EVA1C: variants seen among roughly 807,000 people sequenced by gnomAD.
EVA1C encodes protein eva-1 homolog C.
EVA1C carries 25 observed loss-of-function variants against 45.4 expected under a neutral mutation model. The observed-to-expected ratio is 0.55, with a 90% confidence interval of 0.40 to 0.77. The LOEUF is 0.77. EVA1C is among the 30% of genes least tolerant of loss of function. The pLI is 0.00. For synonymous variants in EVA1C, 190 were observed against 221.2 expected, an observed-to-expected ratio of 0.86 and a Z score of 1.25; for missense variants, 479 against 554.8, an observed-to-expected ratio of 0.86 and a Z score of 1.37.
chr21:32,449,043 A>C (rs1325466299), intron 1 of EVA1C, among the ~76,000 whole-genome samples: 1 of 151,840 alleles, frequency 6.6e-6, no homozygotes, highest in Non-Finnish European at 1.5e-5. Context: ...AAGGAAGGAA[A>C]AGGAAAGAAA....
At chr21:32,419,289 T>C (rs2034169121) in intron 1 of EVA1C, among the ~76,000 whole-genome samples, 1 of 152,188 alleles carries the variant, frequency 6.6e-6, no homozygotes, top group Non-Finnish European at 1.5e-5. Context: ...GAGGGTAATG[T>C]ACTATGAGAG....
At chr21:32,491,916 G>T (rs557271187) in intron 4 of EVA1C, among the ~76,000 whole-genome samples, 1 of 152,124 alleles carries the variant, frequency 6.6e-6, no homozygotes, top group East Asian at 1.9e-4. Flanking sequence ...GGAGTGGCCA[G>T]CGCTGAAGGC....
At chr21:32,466,116 C>T (rs1370963489) in intron 3 of EVA1C, among the ~76,000 whole-genome samples, 1 of 152,134 alleles carries the variant, frequency 6.6e-6, no homozygotes, top group Non-Finnish European at 1.5e-5. Flanking sequence ...TTAGCTCTTA[C>T]TGCTTTAAAA....
At chr21:32,488,725 A>G (rs1478404960) in intron 4 of EVA1C, among the ~76,000 whole-genome samples, 1 of 152,112 alleles carries the variant, frequency 6.6e-6, no homozygotes, top group Non-Finnish European at 1.5e-5. Flanking sequence ...AGCTGGGATT[A>G]CAGGCACACG....
chr21:32,427,076 G>A (rs746898163), intron 1 of EVA1C, among the ~76,000 whole-genome samples: 12 of 152,132 alleles, frequency 7.9e-5, no homozygotes, highest in Admixed American at 2.6e-4. Flanking sequence ...TCCAACGGGA[G>A]GGCATTTTCT....
At chr21:32,455,128 A>G (rs1468809997) in intron 2 of EVA1C, among the ~76,000 whole-genome samples, 1 of 152,136 alleles carries the variant, frequency 6.6e-6, no homozygotes, top group Non-Finnish European at 1.5e-5. Flanking sequence ...TCCAAGAGCA[A>G]GGCGCCATAG....
rs2035600828 is a variant in EVA1C at position 32,452,110 on chromosome 21, T to C, written c.161-1202T>C. ...TCATTCCAATAAGGCATGGCCTCAC[T>C]AGTGGGAGATGAGCAAATGAAAGCC... is the stretch of plus-strand genomic sequence containing the variant. On this transcript the variant is annotated intron_variant, in intron 1 of 7. Transcript: ENST00000300255. The surrounding 1 kb of genome is among the most constrained non-coding windows in gnomAD (Gnocchi z 4.0). 6.6e-6 allele frequency: 1 copy of C among 152,202 alleles called. No individual in the cohort carries two copies. The highest frequency in any genetic ancestry group is 1.5e-5 in the Non-Finnish European group (1 of 68,038). The allele number at this position is 152,202 out of a possible 1,614,324, so 9.4% of individuals were successfully genotyped here. A position where few individuals can be genotyped will look rare whatever the true frequency, so the allele number is the denominator to read the frequency against.
chr21:32,496,363 T>C (rs2037352902), intron 5 of EVA1C, among the ~76,000 whole-genome samples: 1 of 152,240 alleles, frequency 6.6e-6, no homozygotes, highest in Non-Finnish European at 1.5e-5. Context: ...TAATATTCCA[T>C]TGCATCCTTA....
At chr21:32,438,503 A>AAC (rs2035052889) in intron 1 of EVA1C, among the ~76,000 whole-genome samples, 1 of 151,094 alleles carries the variant, frequency 6.6e-6, no homozygotes, top group African/African-American at 2.4e-5. Flanking sequence ...AAAAAAAAAA[A>AAC]AAAAACCAAA....
At chr21:32,514,344 CTAA>C (rs2038067468) in intron 7 of EVA1C, among the ~76,000 whole-genome samples, 3 of 152,190 alleles carry the variant, frequency 2.0e-5, no homozygotes, top group Admixed American at 1.3e-4. Context: ...ACTTCTACTA[CTAA>C]TAATAGCAGC....
chr21:32,439,688 T>C (rs2035102996), intron 1 of EVA1C, among the ~76,000 whole-genome samples: 1 of 152,036 alleles, frequency 6.6e-6, no homozygotes, highest in African/African-American at 2.4e-5. Context: ...CTGCTTCAAG[T>C]TTTAGAAACT....
intron 7 of EVA1C, among the ~76,000 whole-genome samples, chr21:32,511,424 A>AC (rs2037946242): frequency 6.7e-6 from 1 of 149,846 alleles, no homozygotes; most frequent in Non-Finnish European, 1.5e-5. Flanking sequence ...CGTCTCAAAA[A>AC]AAAAAAAAAA....
At chr21:32,445,248 A>G (rs1482096390) in intron 1 of EVA1C, among the ~76,000 whole-genome samples, 2 of 152,264 alleles carry the variant, frequency 1.3e-5, no homozygotes, top group Non-Finnish European at 1.5e-5. Context: ...ACAATAGTGC[A>G]GAGGAAGCAA....
intron 4 of EVA1C, among the ~76,000 whole-genome samples, chr21:32,479,114 C>T (rs1459505738): frequency 6.6e-6 from 1 of 152,192 alleles, no homozygotes; most frequent in Non-Finnish European, 1.5e-5. Context: ...GGGTGGAGGG[C>T]AGTTTGCCAG....
intron 4 of EVA1C, chr21:32,473,841 G>A (rs767365971): frequency 6.8e-6 from 6 of 876,138 alleles, no homozygotes; most frequent in Non-Finnish European, 8.2e-6. Flanking sequence ...TGAGGTCAGA[G>A]CTGAACCTTC....
At chr21:32,424,853 T>G (rs1383617748) in intron 1 of EVA1C, among the ~76,000 whole-genome samples, 1 of 152,076 alleles carries the variant, frequency 6.6e-6, no homozygotes, top group Non-Finnish European at 1.5e-5. Flanking sequence ...GACGTGATGA[T>G]GATGATGATT....
intron 4 of EVA1C, 43 bp from the exon 5 acceptor site, chr21:32,494,984 T>C (rs367616084): frequency 2.5e-6 from 4 of 1,605,420 alleles, no homozygotes; most frequent in Non-Finnish European, 3.4e-6. Context: ...GGTGGCCCTG[T>C]GTGGGATGCA....
intron 1 of EVA1C, among the ~76,000 whole-genome samples, chr21:32,447,867 G>A (rs1005011567): frequency 3.9e-5 from 6 of 152,050 alleles, no homozygotes; most frequent in Non-Finnish European, 7.4e-5. Context: ...CACCACGTCC[G>A]GCTAATTTTG....
At chr21:32,413,397 C>T (rs1466251142) in intron 1 of EVA1C, among the ~76,000 whole-genome samples, 5 of 152,242 alleles carry the variant, frequency 3.3e-5, no homozygotes, top group African/African-American at 1.2e-4. Context: ...GCGTTTGTCA[C>T]CCGCGTAGCC....
Sources: gnomAD v4.1 joint callset for allele counts (sites outside exome capture counted in the v4.1 genomes callset) on GRCh38, gnomAD v4.1.1 for gene constraint, Gnocchi (gnomAD v3.1) non-coding constraint, MANE v1.5 for transcripts, NCBI Gene and HGNC (gene_info 2026-07-23, HGNC 2026-07-21) for gene names.